The following RORB variants were observed in gnomAD, a reference collection of about 807,000 sequenced individuals.
RORB encodes nuclear receptor ROR-beta.
Under a neutral mutation model 59.1 loss-of-function variants are expected in RORB, and 6 were observed. That is an observed-to-expected ratio of 0.10 (90% CI 0.06 to 0.20). The LOEUF is 0.20. Among genes scored for constraint, RORB ranks in the 10% least tolerant of loss-of-function variants. The pLI, the probability that RORB is intolerant of heterozygous loss-of-function variation, is 1.00. For synonymous variants in RORB, 215 were observed against 204.5 expected, an observed-to-expected ratio of 1.05 and a Z score of -0.44; for missense variants, 320 against 560.5, an observed-to-expected ratio of 0.57 and a Z score of 4.33.
At chr9:74,502,468 G>A (rs1369425864) in intron 1 of RORB, among the ~76,000 whole-genome samples, 4 of 151,858 alleles carry the variant, frequency 2.6e-5, no homozygotes, top group African/African-American at 9.7e-5. Context: ...ATACAAGATG[G>A]CCTATATGGT....
At chr9:74,568,524 AC>A (rs1321960855) in intron 1 of RORB, among the ~76,000 whole-genome samples, 1 of 151,876 alleles carries the variant, frequency 6.6e-6, no homozygotes, top group African/African-American at 2.4e-5. Context: ...AGATGGTGAA[AC>A]CCCGTCTCTA....
intron 1 of RORB, among the ~76,000 whole-genome samples, chr9:74,593,312 C>T (rs1156382653): frequency 6.6e-6 from 1 of 151,750 alleles, no homozygotes; most frequent in Non-Finnish European, 1.5e-5. Flanking sequence ...ACTAAAAATA[C>T]AAAATTAGCC....
chr9:74,538,728 C>G (rs1475212), intron 1 of RORB, among the ~76,000 whole-genome samples: 42,317 of 143,554 alleles, frequency 0.29, 6,297 homozygotes, highest in Admixed American at 0.39. Flanking sequence ...GACAAAGATG[C>G]AAAAAAAAAA....
intron 1 of RORB, among the ~76,000 whole-genome samples, chr9:74,623,045 G>T (rs1823450050): frequency 6.6e-6 from 1 of 152,156 alleles, no homozygotes; most frequent in African/African-American, 2.4e-5. Flanking sequence ...TTCACATGTT[G>T]GATTTCCAGA....
intron 1 of RORB, chr9:74,498,438 C>A (rs980875818): frequency 6.0e-6 from 1 of 165,422 alleles, no homozygotes; most frequent in African/African-American, 2.4e-5. Context: ...CGGGCACACA[C>A]TCGCCAGGTT....
intron 1 of RORB, among the ~76,000 whole-genome samples, chr9:74,530,872 CT>C (rs200481503): frequency 0.011 from 1,665 of 151,994 alleles, 13 homozygotes; most frequent in Non-Finnish European, 0.019. Flanking sequence ...ATCCTTCCCC[CT>C]ACCCCCTACC....
At chr9:74,672,374 GAC>G (rs1339613198) in intron 9 of RORB, among the ~76,000 whole-genome samples, 2 of 152,294 alleles carry the variant, frequency 1.3e-5, no homozygotes, top group East Asian at 3.9e-4. Context: ...TGTGTCATAG[GAC>G]ATGTTCTAGT....
chr9:74,530,803 C>T (rs1826225769), intron 1 of RORB, among the ~76,000 whole-genome samples: 1 of 151,808 alleles, frequency 6.6e-6, no homozygotes, highest in South Asian at 2.1e-4. Flanking sequence ...ACACATGTGC[C>T]ACGTTGGTGT....
rs912404168 is a variant in RORB, at chr9:74,687,383, C to G, written c.*1765C>G. The G allele has an allele frequency of 1.3e-5, 2 of 151,860 alleles. No homozygotes were observed. Among genetic ancestry groups the G allele is most frequent in the Admixed American group, 6.6e-5 (1 of 15,230 alleles). The allele number at this position is 151,860 out of a possible 1,614,324, so 9.4% of individuals were successfully genotyped here. On this transcript the variant is annotated 3_prime_UTR_variant, in exon 10 of 10. Transcript: ENST00000376896. ...GGAAACTTTGATTTCTTTTTTTAAT[C>G]TCTTATGCTCTCCTGAAGTTCATGG...
intron 1 of RORB, among the ~76,000 whole-genome samples, chr9:74,571,536 A>C (rs1450607006): frequency 6.6e-6 from 1 of 152,186 alleles, no homozygotes; most frequent in African/African-American, 2.4e-5. Flanking sequence ...AGAATTTTAA[A>C]AACTTAATTT....
intron 1 of RORB, among the ~76,000 whole-genome samples, chr9:74,625,591 A>G (rs1823498462): frequency 6.6e-6 from 1 of 152,238 alleles, no homozygotes; most frequent in Non-Finnish European, 1.5e-5. Context: ...AGCCTAGATG[A>G]CAAAGTGAGA....
intron 1 of RORB, among the ~76,000 whole-genome samples, chr9:74,515,388 G>C (rs1425348778): frequency 2.0e-5 from 3 of 151,732 alleles, no homozygotes; most frequent in African/African-American, 7.3e-5. Flanking sequence ...GAGTCTGTGC[G>C]ATGTTTCCTC....
intron 1 of RORB, among the ~76,000 whole-genome samples, chr9:74,608,499 G>A (rs1823184164): frequency 6.7e-6 from 1 of 149,028 alleles, no homozygotes; most frequent in African/African-American, 2.5e-5. Context: ...GGGAGGCGGA[G>A]CTTGCAGTGA....
At chr9:74,526,811 G>A (rs1281909874) in intron 1 of RORB, among the ~76,000 whole-genome samples, 2 of 151,860 alleles carry the variant, frequency 1.3e-5, no homozygotes, top group Non-Finnish European at 1.5e-5. Context: ...AAAAAAAGGG[G>A]GCTAATATAC....
At chr9:74,631,255 G>A (rs1200550025) in intron 2 of RORB, among the ~76,000 whole-genome samples, 5 of 152,204 alleles carry the variant, frequency 3.3e-5, no homozygotes, top group Non-Finnish European at 5.9e-5. Flanking sequence ...ATAATAGCCA[G>A]GGGAAATCAA....
intron 1 of RORB, among the ~76,000 whole-genome samples, chr9:74,501,098 C>T (rs1264129689): frequency 1.3e-5 from 2 of 152,018 alleles, no homozygotes; most frequent in Middle Eastern, 3.2e-3. Flanking sequence ...CACAGGGGCG[C>T]GGAAATGGTC....
At chr9:74,558,348 C>T (rs1257545648) in intron 1 of RORB, among the ~76,000 whole-genome samples, 1 of 152,088 alleles carries the variant, frequency 6.6e-6, no homozygotes, top group Non-Finnish European at 1.5e-5. Flanking sequence ...CAGAATCTGT[C>T]GTCCTTGTGT....
intron 1 of RORB, among the ~76,000 whole-genome samples, chr9:74,587,358 T>C (rs902588202): frequency 3.8e-4 from 58 of 152,326 alleles, no homozygotes; most frequent in African/African-American, 1.3e-3. Flanking sequence ...GGTTTTTATT[T>C]TGGGAACTAT....
At chr9:74,543,315 C>A (rs953559414) in intron 1 of RORB, among the ~76,000 whole-genome samples, 1 of 152,244 alleles carries the variant, frequency 6.6e-6, no homozygotes, top group African/African-American at 2.4e-5. Flanking sequence ...ATATGAGCAA[C>A]AGGACGGTGT....
Sources: allele counts gnomAD v4.1 joint callset (sites outside exome capture counted in the v4.1 genomes callset), GRCh38; gene constraint gnomAD v4.1.1; transcripts MANE v1.5; gene names NCBI Gene and HGNC (gene_info 2026-07-23, HGNC 2026-07-21).